Variants in DYNC2H1 observed in about 807,000 individuals in gnomAD.
DYNC2H1 encodes the protein cytoplasmic dynein 2 heavy chain 1.
DYNC2H1 carries 410 observed loss-of-function variants against 570.0 expected under a neutral mutation model. The observed-to-expected ratio is 0.72, with a 90% CI of 0.66 to 0.78. The LOEUF (loss-of-function observed/expected upper bound fraction) is 0.78. Ranked by LOEUF, DYNC2H1 falls within the 30% of genes least tolerant of loss-of-function variation. The probability of loss-of-function intolerance (pLI) is 0.00; values close to 1 mark genes in which losing one functional copy is unlikely to be tolerated. For missense variants in DYNC2H1, 4,865 were observed against 5,046.4 expected (o/e 0.96, Z 1.09); for synonymous variants, 1,688 against 1,677.6 (o/e 1.01, Z -0.15).
chr11:103,397,931 T>C (rs1388658903), intron 83 of DYNC2H1, among the ~76,000 whole-genome samples: 3 of 152,202 alleles, frequency 2.0e-5, no homozygotes, highest in African/African-American at 4.8e-5. Context: ...TTTAGCTACC[T>C]ATTTTCTTGG....
In DYNC2H1 at chr11:103,114,537, G is replaced by A. The variant is rs546906015; in HGVS notation, c.502+299G>A. On this transcript the variant is annotated intron_variant, in intron 3 of 88. Transcript: ENST00000375735. The stretch of plus-strand genomic sequence containing the variant: ...GTCTTGCTGTATTGCCCAGGCTGGT[G>A]TCAAACTACTGGCCTCAAGGGATCC... Among the ~76,000 whole-genome samples the A allele has an allele frequency of 7.9e-5, 12 of 152,244 alleles. No homozygotes were observed. In the South Asian group the frequency reaches 2.5e-3, roughly 32 times the overall value.
chr11:103,395,634 A>G lies in DYNC2H1; in HGVS notation c.12157-4029A>G, dbSNP rs750145899. On this transcript the variant is annotated intron_variant, in intron 83 of 88. Transcript: ENST00000375735. The surrounding 1 kb of genome is among the most constrained non-coding windows in gnomAD (Gnocchi z 4.3). ...GTCTAGTAGAAAGAAACAGTTACCTATTTTTCAGAATACCCAGCAGAATTC... is the reference window on the plus strand; with the variant it reads ...GTCTAGTAGAAAGAAACAGTTACCTGTTTTTCAGAATACCCAGCAGAATTC... Among the ~76,000 whole-genome samples the G allele has an allele frequency of 3.3e-5, 5 of 151,976 alleles. No homozygotes were observed. The highest frequency in any genetic ancestry group is 5.9e-5 in the Non-Finnish European group (4 of 68,008).
chr11:103,260,595 C>T (rs533730849), intron 70 of DYNC2H1, among the ~76,000 whole-genome samples: 11 of 151,436 alleles, frequency 7.3e-5, no homozygotes, highest in East Asian at 1.9e-4. Context: ...TATTAGAAAA[C>T]GCAGAGGCCT....
chr11:103,361,204 G>T (rs1450897640), intron 83 of DYNC2H1, among the ~76,000 whole-genome samples: 1 of 152,158 alleles, frequency 6.6e-6, no homozygotes, highest in Non-Finnish European at 1.5e-5. Context: ...TGTAGATGGG[G>T]TCTTTGGGAG....
intron 73 of DYNC2H1, 119 bp from the exon 74 acceptor site, chr11:103,286,136 A>C (rs985738658): frequency 1.4e-4 from 185 of 1,327,686 alleles, no homozygotes; most frequent in Non-Finnish European, 1.8e-4. Flanking sequence ...GGCAACACAA[A>C]GTAGAAGAGT....
In DYNC2H1 at chr11:103,256,222, C is replaced by T. The variant is rs766255343; in HGVS notation, c.10443C>T (p.Leu3481=). The part of the protein sequence containing the change: ...IQESLKESYK[L]QISLDQERDA... ...AGTCACTTAAAGAATCTTACAAACT[C>T]CAAATTTCCCTTGATCAAGTAATTA... Residue 3481 remains leucine, a synonymous_variant, in exon 68 of 89, where the codon CTC becomes CTT. Transcript: ENST00000375735. The surrounding 1 kb of genome is among the most constrained non-coding windows in gnomAD (Gnocchi z 4.0). 10 of 1,599,762 alleles carry T rather than the reference C, an allele frequency of 6.3e-6. No individual in the cohort carries two copies. The highest frequency in any genetic ancestry group is 8.5e-6 in the Non-Finnish European group (10 of 1,174,558).
intron 24 of DYNC2H1, among the ~76,000 whole-genome samples, 195 bp downstream of exon 24, chr11:103,155,004 A>C (rs1169635304): frequency 1.3e-5 from 2 of 152,090 alleles, no homozygotes; most frequent in African/African-American, 4.8e-5. Context: ...AGTTATAAGA[A>C]ATTTATGTTA....
At chr11:103,306,786 A>G (rs1452528029) in intron 77 of DYNC2H1, among the ~76,000 whole-genome samples, 2 of 152,144 alleles carry the variant, frequency 1.3e-5, no homozygotes, top group African/African-American at 4.8e-5. Context: ...TTCTTCTGTC[A>G]TTTATTTATT....
At chr11:103,423,056 T>G (rs1350904332) in intron 84 of DYNC2H1, among the ~76,000 whole-genome samples, 1 of 83,980 alleles carries the variant, frequency 1.2e-5, no homozygotes, top group African/African-American at 1.0e-4. Context: ...GTAGACCGTT[T>G]TATGAAAACG....
chr11:103,124,463 A>G (rs2134730734), intron 11 of DYNC2H1, among the ~76,000 whole-genome samples: 1 of 151,458 alleles, frequency 6.6e-6, no homozygotes, highest in South Asian at 2.1e-4. Context: ...AAAAAAAAAA[A>G]AAAAAGCAGC....
In DYNC2H1 at chr11:103,254,725, T is replaced by A. The variant is rs553196117; in HGVS notation, c.10207-690T>A. 6.6e-6 allele frequency among the ~76,000 whole-genome samples: 1 copy of A among 152,266 alleles called. No homozygotes were observed. Among genetic ancestry groups the A allele is most frequent in the South Asian group, 2.1e-4 (1 of 4,828 alleles). Reference sequence around the variant, plus strand: ...TCATTCTAGTGGGAGTGAAGTGGTATCTTATTGTGGTTTTGATGACATAGT... The same window carrying A: ...TCATTCTAGTGGGAGTGAAGTGGTAACTTATTGTGGTTTTGATGACATAGT... On this transcript the variant is annotated intron_variant, in intron 66 of 88. Transcript: ENST00000375735. The surrounding 1 kb of genome is among the most constrained non-coding windows in gnomAD (Gnocchi z 4.9).
intron 6 of DYNC2H1, among the ~76,000 whole-genome samples, chr11:103,119,831 G>A (rs975321043): frequency 2.6e-5 from 4 of 152,158 alleles, no homozygotes; most frequent in African/African-American, 9.7e-5. Context: ...GGCATTCTCA[G>A]TAGACAGAAC....
At chr11:103,353,570 G>A (rs1172799375) in intron 82 of DYNC2H1, among the ~76,000 whole-genome samples, 1 of 152,008 alleles carries the variant, frequency 6.6e-6, no homozygotes, top group South Asian at 2.1e-4. Flanking sequence ...TAATGACAAA[G>A]TATCTATATA....
intron 82 of DYNC2H1, among the ~76,000 whole-genome samples, chr11:103,330,704 T>C (rs1447518424): frequency 6.6e-6 from 1 of 151,880 alleles, no homozygotes; most frequent in African/African-American, 2.4e-5. Flanking sequence ...GGTCCCTTTA[T>C]GACAACGCTA....
intron 10 of DYNC2H1, among the ~76,000 whole-genome samples, chr11:103,122,411 T>C (rs1268773964): frequency 2.0e-5 from 3 of 152,260 alleles, no homozygotes; most frequent in African/African-American, 7.2e-5. Flanking sequence ...TGTCTCTTAA[T>C]TGACATTCCC....
At chr11:103,286,457 G>A in intron 74 of DYNC2H1, 71 bp downstream of exon 74, 1 of 1,547,952 alleles carries the variant, frequency 6.5e-7, no homozygotes, top group Non-Finnish European at 8.8e-7. Flanking sequence ...GCCATTTAAA[G>A]GAAAGCTTTG....
chr11:103,123,912 C>G (rs1274134819), intron 11 of DYNC2H1, among the ~76,000 whole-genome samples: 1 of 151,778 alleles, frequency 6.6e-6, no homozygotes, highest in Non-Finnish European at 1.5e-5. Flanking sequence ...TATATACAAA[C>G]TAAATTTGAA....
At chr11:103,340,989 T>C (rs1379863578) in intron 82 of DYNC2H1, among the ~76,000 whole-genome samples, 1 of 152,088 alleles carries the variant, frequency 6.6e-6, no homozygotes, top group Non-Finnish European at 1.5e-5. Context: ...GCATTAAGTA[T>C]ATAAAATCAA....
chr11:103,245,324 G>T lies in DYNC2H1; in HGVS notation c.9992G>T (p.Gly3331Val). Reference sequence around the variant, plus strand: ...ACCCTTATTATACAAGAGATGGATGGTGTAGAACCTGTTCTTTATCCATTA... The same window carrying T: ...ACCCTTATTATACAAGAGATGGATGTTGTAGAACCTGTTCTTTATCCATTA... ...GKTLIIQEMD[G>V]VEPVLYPLLR... Residue 3331 changes from glycine (G) to valine (V), a missense_variant, in exon 65 of 89, where the codon GGT (glycine) becomes GTT (valine). Transcript: ENST00000375735. The surrounding 1 kb of genome is among the most constrained non-coding windows in gnomAD (Gnocchi z 4.5). 6 of 1,576,400 alleles carry T rather than the reference G, an allele frequency of 3.8e-6. No homozygotes were observed. Among genetic ancestry groups the T allele is most frequent in the Non-Finnish European group, 5.2e-6 (6 of 1,159,844 alleles).
Sources: gnomAD v4.1 joint callset for allele counts (sites outside exome capture counted in the v4.1 genomes callset) on GRCh38, gnomAD v4.1.1 for gene constraint, Gnocchi (gnomAD v3.1) non-coding constraint, MANE v1.5 for transcripts, NCBI Gene and HGNC (gene_info 2026-07-23, HGNC 2026-07-21) for gene names.